USP26: variants seen among roughly 807,000 people sequenced by gnomAD.
The protein encoded by USP26 is ubiquitin carboxyl-terminal hydrolase 26.
For missense variants in USP26, 649 were observed against 642.3 expected (o/e 1.01, Z -0.11); for synonymous variants, 236 against 240.6 (o/e 0.98, Z 0.18).
chrX:133,067,587 AG>A (rs1393899694), intron 5 of USP26, among the ~76,000 whole-genome samples: 1 of 112,389 alleles, frequency 8.9e-6, no homozygotes, highest in Admixed American at 9.4e-5. Context: ...ACATGGATAA[AG>A]CTGGAAACCA....
intron 5 of USP26, among the ~76,000 whole-genome samples, chrX:133,076,311 A>G (rs1318339633): frequency 9.0e-6 from 1 of 111,284 alleles, no homozygotes; most frequent in African/African-American, 3.3e-5. Flanking sequence ...ACAGACTCAT[A>G]TAAAGGCTAA....
chrX:133,035,090 T>C (rs1007972930), intron 5 of USP26, among the ~76,000 whole-genome samples: 9 of 111,474 alleles, frequency 8.1e-5, no homozygotes, highest in Non-Finnish European at 1.5e-4. Flanking sequence ...CTGACATCTT[T>C]ACTCTGGAGT....
chrX:133,027,598 G>T lies in USP26; in HGVS notation c.623C>A (p.Ala208Glu). The T allele has an allele frequency of 8.3e-7, 1 of 1,209,786 alleles. No individual in the cohort carries two copies. The change falls in exon 6 of 6, where the codon GCA becomes GAA. Residue 208 changes from alanine to glutamate, a missense_variant. Physicochemically the swap from Ala to Glu is moderately radical, Grantham distance 107. Transcript: ENST00000511190. ...ATAGCTTACACACCTCGAACAATCT[G>T]CCTTGGATTTCTTGTATTCTACAGA... ...NNSVEYKKSK[A>E]DCSRCVSYNR...
chrX:133,026,284 C>T lies in USP26; in HGVS notation c.1937G>A (p.Arg646Gln), dbSNP rs776467655. ...NELESVYSGD[R>Q]AFIEKEPLAH... ...TAACGGTTCTTTTTCAATGAATGCT[C>T]GATCTCCTGAGTATACAGATTCTAG... Residue 646 changes from arginine (R) to glutamine (Q), a missense_variant, in exon 6 of 6, where the codon CGA becomes CAA. Arg to Gln is a conservative substitution (Grantham distance 43). Transcript: ENST00000511190. 26 of 1,204,479 alleles carry T rather than the reference C, an allele frequency of 2.2e-5. No homozygotes were observed. The highest frequency in any genetic ancestry group is 5.4e-5 in the African/African-American group (3 of 55,711).
intron 5 of USP26, among the ~76,000 whole-genome samples, chrX:133,057,866 A>ATATATATACATATTTTTTTT (rs1412413450): frequency 1.1e-4 from 1 of 9,329 alleles, no homozygotes; most frequent in African/African-American, 6.6e-4. Flanking sequence ...ATATATATAT[A>ATATATATACATATTTTTTTT]TTTTTTTTTT....
At chrX:133,029,342 T>C (rs2067367795) in intron 5 of USP26, among the ~76,000 whole-genome samples, 1 of 112,563 alleles carries the variant, frequency 8.9e-6, no homozygotes, top group South Asian at 3.6e-4. Flanking sequence ...ATCTTAAAAT[T>C]GGTGAAACAT....
intron 5 of USP26, among the ~76,000 whole-genome samples, chrX:133,033,270 C>T (rs1276530570): frequency 8.9e-6 from 1 of 111,936 alleles, no homozygotes; most frequent in African/African-American, 3.2e-5. Flanking sequence ...GGCAGACTTT[C>T]TTTTTCTTTC....
Position 133,032,190 on chromosome X carries a change from C to A in USP26, c.-76-3894G>T, listed in dbSNP as rs2067379621. On this transcript the variant is annotated intron_variant, in intron 5 of 5. Coordinates refer to ENST00000511190, the MANE Select transcript of USP26 (RefSeq NM_031907.3). Reference sequence around the variant, plus strand: ...AAAACCCAACCAACCAACCAACCAACCAACCAACCAAACAAACAAACAAAA... The same window carrying A: ...AAAACCCAACCAACCAACCAACCAAACAACCAACCAAACAAACAAACAAAA... Among the ~76,000 whole-genome samples the A allele has an allele frequency of 2.7e-5, 3 of 110,857 alleles. No individual in the cohort carries two copies. In the Admixed American group the frequency reaches 2.9e-4, roughly 11 times the overall value.
At chrX:133,039,512 C>G (rs1210854749) in intron 5 of USP26, among the ~76,000 whole-genome samples, 1 of 112,067 alleles carries the variant, frequency 8.9e-6, no homozygotes, top group East Asian at 2.8e-4. Flanking sequence ...AATTTGATTG[C>G]ACTGTGGTCT....
intron 5 of USP26, among the ~76,000 whole-genome samples, chrX:133,043,708 C>T (rs1602973811): frequency 9.0e-6 from 1 of 111,355 alleles, no homozygotes; most frequent in East Asian, 2.8e-4. Context: ...GAGTTTGAGA[C>T]TAACCTGGGC....
In USP26 at chrX:133,085,458, C is replaced by T. The variant is rs183031131; in HGVS notation, c.-141-1687G>A. Among the ~76,000 whole-genome samples, 558 of 111,782 alleles carry T rather than the reference C, an allele frequency of 5.0e-3. 1 individual carries two copies. Among genetic ancestry groups the T allele is most frequent in the Admixed American group, 0.031 (324 of 10,506 alleles). The stretch of plus-strand genomic sequence containing the variant: ...AGAAAGCCTCTCTCACTTGTGTTTA[C>T]ATCAATGGGCAGTCCTACAACTGGT... On this transcript the variant is annotated intron_variant, in intron 4 of 5. Transcript: ENST00000511190.
At chrX:133,060,834 C>T (rs1241308028) in intron 5 of USP26, among the ~76,000 whole-genome samples, 1 of 110,634 alleles carries the variant, frequency 9.0e-6, no homozygotes, top group Non-Finnish European at 1.9e-5. Flanking sequence ...TCTGTGGATT[C>T]AACTAAGGAT....
intron 5 of USP26, among the ~76,000 whole-genome samples, chrX:133,047,599 G>T (rs1010257900): frequency 8.9e-6 from 1 of 111,929 alleles, no homozygotes; most frequent in South Asian, 3.8e-4. Context: ...TGGACTGAAC[G>T]TTTATCCCCA....
At chrX:133,081,875 G>A (rs1299541220) in intron 5 of USP26, among the ~76,000 whole-genome samples, 1 of 112,000 alleles carries the variant, frequency 8.9e-6, no homozygotes, top group Admixed American at 9.5e-5. Flanking sequence ...AAAAAACTGA[G>A]CGGCAACAGT....
intron 5 of USP26, among the ~76,000 whole-genome samples, chrX:133,045,319 G>C (rs1241735438): frequency 1.8e-5 from 2 of 111,624 alleles, no homozygotes; most frequent in Non-Finnish European, 3.8e-5. Context: ...CTGTCAAAAC[G>C]GACCAATCAG....
At chrX:133,046,651 G>A (rs2067441674) in intron 5 of USP26, among the ~76,000 whole-genome samples, 2 of 111,333 alleles carry the variant, frequency 1.8e-5, no homozygotes, top group African/African-American at 6.5e-5. Context: ...GAGAGAGAGA[G>A]AGAGAAACAG....
At chrX:133,068,378 C>A (rs2067519348) in intron 5 of USP26, among the ~76,000 whole-genome samples, 1 of 111,952 alleles carries the variant, frequency 8.9e-6, no homozygotes, top group African/African-American at 3.2e-5. Flanking sequence ...TGTAACAAAC[C>A]TGCACATATA....
chrX:133,052,879 G>A (rs1049112311), intron 5 of USP26, among the ~76,000 whole-genome samples: 9 of 111,550 alleles, frequency 8.1e-5, no homozygotes, highest in African/African-American at 2.9e-4. Context: ...AGGGGGGTGA[G>A]AGGACTGGTA....
intron 5 of USP26, among the ~76,000 whole-genome samples, chrX:133,063,910 C>T (rs1412391274): frequency 9.0e-6 from 1 of 111,703 alleles, no homozygotes. Flanking sequence ...GGACAAAATG[C>T]CCCAATTAAA....
Sources: gnomAD v4.1 joint callset for allele counts (sites outside exome capture counted in the v4.1 genomes callset) on GRCh38, gnomAD v4.1.1 for gene constraint, MANE v1.5 for transcripts, NCBI Gene and HGNC (gene_info 2026-07-23, HGNC 2026-07-21) for gene names.